The following RTN1 variants were observed in gnomAD, a reference collection of about 807,000 sequenced individuals.
The protein encoded by RTN1 is reticulon 1.
Under a neutral mutation model 65.5 loss-of-function variants are expected in RTN1, and 25 were observed. The observed-to-expected ratio is 0.38, with a 90% confidence interval of 0.28 to 0.53. RTN1 has a LOEUF of 0.53. RTN1 is among the 20% of genes least tolerant of loss of function. The pLI, the probability that RTN1 is intolerant of heterozygous loss-of-function variation, is 0.79. For missense variants in RTN1, 983 were observed against 1,025.4 expected (o/e 0.96, Z 0.57); for synonymous variants, 471 against 447.6 (o/e 1.05, Z -0.66).
rs1251327045 is a variant in RTN1 at position 59,849,948 on chromosome 14, C to T, written c.241+20442G>A. Among the ~76,000 whole-genome samples the T allele has an allele frequency of 6.6e-6, 1 of 152,134 alleles. No homozygotes were observed. Among genetic ancestry groups the T allele is most frequent in the East Asian group, 1.9e-4 (1 of 5,192 alleles). ...TCTCTTTCCTGTTTTCTGAATTCCTCCACTTCCTCTTCCTTTTTGTCTATT... is the reference window on the plus strand; with the variant it reads ...TCTCTTTCCTGTTTTCTGAATTCCTTCACTTCCTCTTCCTTTTTGTCTATT... On this transcript the variant is annotated intron_variant, in intron 1 of 8. Transcript: ENST00000267484. This position sits in a 1 kb window ranked among gnomAD's most constrained non-coding sequence, Gnocchi z 4.5.
At chr14:59,660,871 G>A (rs1383824151) in intron 3 of RTN1, among the ~76,000 whole-genome samples, 7 of 151,794 alleles carry the variant, frequency 4.6e-5, no homozygotes, top group African/African-American at 1.2e-4. Flanking sequence ...CAGAAGACAA[G>A]AAATAACTAA....
Position 59,766,221 on chromosome 14 carries a change from C to T in RTN1, c.242-19740G>A, listed in dbSNP as rs1482779216. ...CTCCAGCCTGGGTGACAGAGTGAGA[C>T]GCTGTCAAAAAAAAAAAATTCATTA... is the stretch of plus-strand genomic sequence containing the variant. On this transcript the variant is annotated intron_variant, in intron 1 of 8. Transcript: ENST00000267484. This position sits in a 1 kb window ranked among gnomAD's most constrained non-coding sequence, Gnocchi z 4.4. Among the ~76,000 whole-genome samples the T allele has an allele frequency of 1.8e-5, 2 of 113,972 alleles. No homozygotes were observed. Among genetic ancestry groups the T allele is most frequent in the Non-Finnish European group, 3.5e-5 (2 of 56,436 alleles). 74.8% of individuals were successfully genotyped at this position (113,972 alleles called of 152,430 possible).
chr14:59,815,744 T>C (rs1886809065), intron 1 of RTN1, among the ~76,000 whole-genome samples: 1 of 152,110 alleles, frequency 6.6e-6, no homozygotes, highest in African/African-American at 2.4e-5. Context: ...TTCACACTCC[T>C]CCCTTCCCAA....
Position 59,722,048 on chromosome 14 carries a change from A to G in RTN1, c.1765+4871T>C, listed in dbSNP as rs1456205808. Among the ~76,000 whole-genome samples the G allele has an allele frequency of 2.6e-5, 4 of 152,200 alleles. No individual in the cohort carries two copies. The East Asian group carries it at 7.7e-4, about 29-fold the overall frequency. On this transcript the variant is annotated intron_variant, in intron 3 of 8. Transcript: ENST00000267484. ...CTAACTCTATTTACACATGTGTATA[A>G]TTTATATATTTTTGCCCACCTGCTA... is the stretch of plus-strand genomic sequence containing the variant.
chr14:59,800,390 T>TTTG (rs1224355729), intron 1 of RTN1, among the ~76,000 whole-genome samples: 1 of 152,156 alleles, frequency 6.6e-6, no homozygotes, highest in Admixed American at 6.6e-5. Flanking sequence ...AATACATCTT[T>TTTG]TTGTTGTTGT....
At chr14:59,610,221 T>G in intron 3 of RTN1, 1 of 719,202 alleles carries the variant, frequency 1.4e-6, no homozygotes, top group South Asian at 1.5e-5. Flanking sequence ...TCATGGACTT[T>G]CCTTGAAGAA....
At chr14:59,605,685 C>G in intron 4 of RTN1, 179 bp from the exon 5 acceptor site, 1 of 547,152 alleles carries the variant, frequency 1.8e-6, no homozygotes, top group Non-Finnish European at 3.2e-6. Context: ...TGCTTCCATG[C>G]ACTGAGAACA....
chr14:59,715,148 A>G (rs761768159), intron 3 of RTN1, among the ~76,000 whole-genome samples: 1 of 152,214 alleles, frequency 6.6e-6, no homozygotes, highest in Admixed American at 6.5e-5. Flanking sequence ...GGGCAAATAT[A>G]TACAGTGGGA....
intron 3 of RTN1, among the ~76,000 whole-genome samples, chr14:59,714,830 G>T (rs772264414): frequency 2.6e-5 from 4 of 152,194 alleles, no homozygotes; most frequent in African/African-American, 9.7e-5. Context: ...GGTCTGTTAG[G>T]AACTGGGCCA....
intron 3 of RTN1, among the ~76,000 whole-genome samples, chr14:59,672,625 CTTTTTTTTT>C (rs71111662): frequency 7.6e-5 from 6 of 79,104 alleles, no homozygotes; most frequent in East Asian, 4.9e-4. Context: ...CAAGATATTT[CTTTTTTTTT>C]TTTTTTTTTT....
At chr14:59,812,184 TA>T (rs1303847631) in intron 1 of RTN1, among the ~76,000 whole-genome samples, 1 of 152,140 alleles carries the variant, frequency 6.6e-6, no homozygotes, top group East Asian at 1.9e-4. Context: ...TGCTATCAAA[TA>T]ACATATGCAT....
At chr14:59,679,014 C>T (rs1173542502) in intron 3 of RTN1, among the ~76,000 whole-genome samples, 1 of 152,098 alleles carries the variant, frequency 6.6e-6, no homozygotes, top group Non-Finnish European at 1.5e-5. Flanking sequence ...TTTCAAAAAG[C>T]AAGGGATAGC....
rs1276026033 is a variant in RTN1, at chr14:59,727,408, C to T, written c.1276G>A (p.Ala426Thr). ...VSEDPMAAEDALPSGYVSFGH... is the reference protein window; with the variant it reads ...VSEDPMAAEDTLPSGYVSFGH... Reference sequence around the variant, plus strand: ...AAGCTCACATAGCCTGAGGGCAGCGCGTCCTCCGCGGCCATGGGGTCCTCG... The same window carrying T: ...AAGCTCACATAGCCTGAGGGCAGCGTGTCCTCCGCGGCCATGGGGTCCTCG... The change falls in exon 3 of 9, where the codon GCG becomes ACG. Residue 426 changes from alanine to threonine, a missense_variant. This residue lies in a region of RTN1 where 818 missense variants were observed against 801.8 expected (regional missense o/e 1.02). Coordinates refer to ENST00000267484, the MANE Select transcript of RTN1 (RefSeq NM_021136.3). This position sits in a 1 kb window ranked among gnomAD's most constrained non-coding sequence, Gnocchi z 4.2. 1 of 1,547,802 alleles carries T rather than the reference C, an allele frequency of 6.5e-7. No individual in the cohort carries two copies. Among genetic ancestry groups the T allele is most frequent in the Non-Finnish European group, 8.7e-7 (1 of 1,146,726 alleles).
intron 3 of RTN1, among the ~76,000 whole-genome samples, chr14:59,695,141 G>C (rs1884037494): frequency 6.6e-6 from 1 of 152,192 alleles, no homozygotes; most frequent in Non-Finnish European, 1.5e-5. Flanking sequence ...CCACGGTTGA[G>C]TGATGGGGTG....
chr14:59,728,261 TTTTTTTTTTTTTTGC>T (rs1263478995), intron 2 of RTN1, among the ~76,000 whole-genome samples: 1 of 54,274 alleles, frequency 1.8e-5, no homozygotes, highest in African/African-American at 9.2e-5. Context: ...TTTTTTTTTT[TTTTTTTTTTTTTTGC>T]AACTAAGTGG....
chr14:59,832,426 G>A (rs865896118), intron 1 of RTN1, among the ~76,000 whole-genome samples: 39 of 152,126 alleles, frequency 2.6e-4, no homozygotes, highest in African/African-American at 9.2e-4. Context: ...GGGTGCAGGG[G>A]TGCCAGGGAA....
intron 3 of RTN1, among the ~76,000 whole-genome samples, chr14:59,622,739 G>T (rs1410883022): frequency 6.6e-6 from 1 of 152,172 alleles, no homozygotes; most frequent in Non-Finnish European, 1.5e-5. Context: ...CTTCAAAGAT[G>T]ACATCTTCTA....
At chr14:59,663,593 G>A (rs1055751027) in intron 3 of RTN1, among the ~76,000 whole-genome samples, 4 of 151,678 alleles carry the variant, frequency 2.6e-5, no homozygotes, top group African/African-American at 7.3e-5. Flanking sequence ...TCTCATAAAG[G>A]GCTAATATCC....
In RTN1 at chr14:59,794,197, T is replaced by G. The variant is rs955686341; in HGVS notation, c.242-47716A>C. 3.9e-5 allele frequency among the ~76,000 whole-genome samples: 6 copies of G among 152,224 alleles called. No individual in the cohort carries two copies. Among genetic ancestry groups the G allele is most frequent in the African/African-American group, 1.4e-4 (6 of 41,458 alleles). Reference sequence around the variant, plus strand: ...TTGGCCGTAATGATTAATTCCGGTATAGACATGTGACTTAAAATTGTTCCA... The same window carrying G: ...TTGGCCGTAATGATTAATTCCGGTAGAGACATGTGACTTAAAATTGTTCCA... On this transcript the variant is annotated intron_variant, in intron 1 of 8. Coordinates refer to ENST00000267484, the MANE Select transcript of RTN1 (RefSeq NM_021136.3). This position sits in a 1 kb window ranked among gnomAD's most constrained non-coding sequence, Gnocchi z 5.1.
Sources: gnomAD v4.1 joint callset for allele counts (sites outside exome capture counted in the v4.1 genomes callset) on GRCh38, gnomAD v4.1.1 for gene constraint, gnomAD v4.1.1 regional missense constraint, Gnocchi (gnomAD v3.1) non-coding constraint, MANE v1.5 for transcripts, NCBI Gene and HGNC (gene_info 2026-07-23, HGNC 2026-07-21) for gene names.